PPIL4: variants seen among roughly 807,000 people sequenced by gnomAD.
PPIL4 encodes peptidyl-prolyl cis-trans isomerase-like 4.
In PPIL4, 50 loss-of-function variants were observed where a neutral mutation model predicts 69.1. The observed-to-expected ratio is 0.72, with a 90% CI of 0.58 to 0.92. The LOEUF (loss-of-function observed/expected upper bound fraction) is 0.92, where lower values mean the gene tolerates loss of function less well. Among genes scored for constraint, PPIL4 ranks in the 40% least tolerant of loss-of-function variants. The pLI, the probability that PPIL4 is intolerant of heterozygous loss-of-function variation, is 0.00. For synonymous variants in PPIL4, 193 were observed against 191.6 expected, an observed-to-expected ratio of 1.01 and a Z score of -0.06; for missense variants, 480 against 587.9, an observed-to-expected ratio of 0.82 and a Z score of 1.90.
chr6:149,541,904 C>G (rs891556581), intron 1 of PPIL4, among the ~76,000 whole-genome samples: 1 of 151,982 alleles, frequency 6.6e-6, no homozygotes, highest in Admixed American at 6.6e-5. Flanking sequence ...ATCCCAGCTA[C>G]TAGGGAGGCT....
At chr6:149,537,838 G>A (rs1004160828) in intron 4 of PPIL4, among the ~76,000 whole-genome samples, 10 of 152,144 alleles carry the variant, frequency 6.6e-5, no homozygotes, top group South Asian at 2.1e-4. Flanking sequence ...GAGACCTGCC[G>A]CTCAGAACAA....
Position 149,544,376 on chromosome 6 carries a change from A to T in PPIL4, c.70+1560T>A, listed in dbSNP as rs995338055. Among the ~76,000 whole-genome samples, 6 of 152,342 alleles carry T rather than the reference A, an allele frequency of 3.9e-5. 1 individual carries two copies. The highest frequency in any genetic ancestry group is 3.9e-4 in the Admixed American group (6 of 15,298). ...AACAAAGGGTCCTAACTAATACAAC[A>T]CATTTATATCCATTAGTCATCATAA... On this transcript the variant is annotated intron_variant, in intron 1 of 12. Transcript: ENST00000253329.
chr6:149,530,581 C>A (rs1038795847), intron 7 of PPIL4, among the ~76,000 whole-genome samples: 11 of 151,510 alleles, frequency 7.3e-5, no homozygotes, highest in Admixed American at 4.0e-4. Flanking sequence ...ATCGCTTAAA[C>A]CTGGGAGGCA....
chr6:149,510,349 T>C (rs1467234097), intron 12 of PPIL4, among the ~76,000 whole-genome samples: 1 of 152,236 alleles, frequency 6.6e-6, no homozygotes, highest in Non-Finnish European at 1.5e-5. Context: ...CTAGGTTCTC[T>C]AAATGTACCA....
At chr6:149,529,425 T>TGCA (rs1322373944) in intron 7 of PPIL4, among the ~76,000 whole-genome samples, 1 of 150,364 alleles carries the variant, frequency 6.7e-6, no homozygotes, top group African/African-American at 2.5e-5. Flanking sequence ...CCACTGTCCA[T>TGCA]GCAACAGAGC....
At position 149,533,557 on chromosome 6, in the gene PPIL4, T is replaced by G; in HGVS notation, c.579A>C (p.Ala193=). Residue 193 remains alanine, a synonymous_variant, in exon 7 of 13, where the codon GCA becomes GCC. Transcript: ENST00000253329. ...REQLDSGRIG[A]DEEIDDFKGR... is the part of the protein sequence containing the mutation. ...CTTTGAAATCATCAATTTCTTCATC[T>G]GCTCCTATTCGACCACTCTGTTAAG... 2 of 1,607,644 alleles carry G rather than the reference T, an allele frequency of 1.2e-6. No individual in the cohort carries two copies. The highest frequency in any genetic ancestry group is 1.7e-6 in the Non-Finnish European group (2 of 1,174,644).
chr6:149,516,582 T>A (rs1422342046), intron 11 of PPIL4, among the ~76,000 whole-genome samples: 1 of 152,188 alleles, frequency 6.6e-6, no homozygotes, highest in African/African-American at 2.4e-5. Context: ...GAGTGATATA[T>A]TTATAATGGG....
chr6:149,505,492 T>C lies in PPIL4; in HGVS notation c.1440A>G (p.Pro480=). The C allele has an allele frequency of 1.2e-6, 2 of 1,613,960 alleles. No individual in the cohort carries two copies. Among genetic ancestry groups the C allele is most frequent in the African/African-American group, 1.3e-5 (1 of 75,036 alleles). ...ATTTTTCTTTATCTTTGGACTTCTT[T>C]GGACTTCTGCTTCGGTCTCTCTTTT... ...RSKKRDRSRS[P]KKSKDKEKSK... Residue 480 remains proline (P), a synonymous_variant, in exon 13 of 13, where the codon CCA becomes CCG. Coordinates refer to ENST00000253329, the MANE Select transcript of PPIL4 (RefSeq NM_139126.4).
intron 10 of PPIL4, 41 bp from the exon 11 acceptor site, chr6:149,517,491 C>A: frequency 2.2e-6 from 2 of 926,536 alleles, no homozygotes; most frequent in Non-Finnish European, 3.3e-6. Context: ...AGTAAAAAAA[C>A]CACCTAACCA....
intron 7 of PPIL4, among the ~76,000 whole-genome samples, chr6:149,531,465 G>A (rs1461611688): frequency 6.6e-6 from 1 of 151,422 alleles, no homozygotes; most frequent in Non-Finnish European, 1.5e-5. Context: ...GAACCTGGGA[G>A]GTGGAGGTTG....
intron 7 of PPIL4, 109 bp from the exon 8 acceptor site, chr6:149,526,885 C>A: frequency 9.4e-7 from 1 of 1,062,312 alleles, no homozygotes. Flanking sequence ...ATTTATGTTA[C>A]AAACTGCAGG....
intron 9 of PPIL4, among the ~76,000 whole-genome samples, chr6:149,522,161 AC>A (rs1777038982): frequency 6.6e-6 from 1 of 152,194 alleles, no homozygotes; most frequent in African/African-American, 2.4e-5. Context: ...CATGAATCTG[AC>A]TGATTATTTT....
chr6:149,542,038 T>C (rs1249155643), intron 1 of PPIL4, among the ~76,000 whole-genome samples: 2 of 151,598 alleles, frequency 1.3e-5, no homozygotes, highest in East Asian at 3.9e-4. Flanking sequence ...TAAAATAAAA[T>C]AAAAGGGCAA....
At position 149,542,013 on chromosome 6, in the gene PPIL4, C is replaced by CAAAATAAAAT. The variant is rs529079776; in HGVS notation, c.71-437_71-428dup. The stretch of plus-strand genomic sequence containing the variant: ...TGGGCAATAGAGCAAGACTCTATCT[C>CAAAATAAAAT]AAAATAAAATAAAATAAAATAAAAT... On this transcript the variant is annotated intron_variant, in intron 1 of 12. Coordinates refer to ENST00000253329, the MANE Select transcript of PPIL4 (RefSeq NM_139126.4). 9.8e-4 allele frequency among the ~76,000 whole-genome samples: 148 copies of CAAAATAAAAT among 151,076 alleles called. 1 individual carries two copies. The highest frequency in any genetic ancestry group is 3.2e-3 in the African/African-American group (132 of 41,054).
intron 1 of PPIL4, among the ~76,000 whole-genome samples, 157 bp downstream of exon 1, chr6:149,545,779 C>T (rs1049581429): frequency 4.6e-5 from 7 of 152,216 alleles, no homozygotes; most frequent in Non-Finnish European, 8.8e-5. Context: ...AAAAACTTTT[C>T]TAGCCAAGGC....
At chr6:149,544,820 G>C (rs900953419) in intron 1 of PPIL4, among the ~76,000 whole-genome samples, 1 of 152,206 alleles carries the variant, frequency 6.6e-6, no homozygotes, top group Non-Finnish European at 1.5e-5. Flanking sequence ...AGCTGCGTGC[G>C]AGGGAAAGCG....
chr6:149,545,714 G>A (rs1777430043), intron 1 of PPIL4, among the ~76,000 whole-genome samples: 1 of 152,162 alleles, frequency 6.6e-6, no homozygotes, highest in African/African-American at 2.4e-5. Context: ...CCACCGGACT[G>A]GCCAACACAA....
chr6:149,541,721 A>C (rs1458170988), intron 1 of PPIL4, 135 bp from the exon 2 acceptor site: 1 of 554,478 alleles, frequency 1.8e-6, no homozygotes, highest in Non-Finnish European at 3.2e-6. Flanking sequence ...GCTATAAAAA[A>C]GGGCAATAGG....
intron 7 of PPIL4, among the ~76,000 whole-genome samples, chr6:149,531,620 A>G (rs993047235): frequency 6.6e-6 from 1 of 152,182 alleles, no homozygotes; most frequent in Non-Finnish European, 1.5e-5. Context: ...GGAAACAATT[A>G]TAAAAGATAT....
Sources: gnomAD v4.1 joint callset for allele counts (sites outside exome capture counted in the v4.1 genomes callset) on GRCh38, gnomAD v4.1.1 for gene constraint, MANE v1.5 for transcripts, NCBI Gene and HGNC (gene_info 2026-07-23, HGNC 2026-07-21) for gene names.